GBE1: variants seen among roughly 807,000 people sequenced by gnomAD.
GBE1 encodes the protein 1,4-alpha-glucan branching enzyme 1.
Under a neutral mutation model 88.8 loss-of-function variants are expected in GBE1, and 70 were observed. The ratio of observed to expected loss-of-function variants is 0.79; its 90% CI spans 0.65 to 0.96. The LOEUF is 0.96. Among genes scored for constraint, GBE1 ranks in the 40% least tolerant of loss-of-function variants. The pLI is 0.00. For synonymous variants in GBE1, 284 were observed against 300.1 expected (o/e 0.95, Z 0.56); for missense variants, 872 against 871.0 (o/e 1.00, Z -0.01).
At chr3:81,732,612 GAATTC>G (rs1184980055) in intron 1 of GBE1, among the ~76,000 whole-genome samples, 1 of 152,074 alleles carries the variant, frequency 6.6e-6, no homozygotes, top group Non-Finnish European at 1.5e-5. Flanking sequence ...GAATCAGAAT[GAATTC>G]AATTTTATAA....
chr3:81,599,060 C>A (rs1220137034), intron 7 of GBE1, among the ~76,000 whole-genome samples: 1 of 152,078 alleles, frequency 6.6e-6, no homozygotes, highest in Non-Finnish European at 1.5e-5. Flanking sequence ...AAAATTAACT[C>A]TATTTGTATT....
intron 3 of GBE1, among the ~76,000 whole-genome samples, chr3:81,663,286 C>A (rs1206608517): frequency 6.6e-6 from 1 of 152,190 alleles, no homozygotes; most frequent in Admixed American, 6.5e-5. Context: ...CCCCAGTGGG[C>A]AGACACATAG....
At chr3:81,551,713 T>A (rs1703273613) in intron 12 of GBE1, among the ~76,000 whole-genome samples, 1 of 152,158 alleles carries the variant, frequency 6.6e-6, no homozygotes, top group Non-Finnish European at 1.5e-5. Flanking sequence ...ACAAAACTGC[T>A]CTGACCAAGC....
chr3:81,642,606 C>A, intron 7 of GBE1, 175 bp downstream of exon 7: 9 of 514,948 alleles, frequency 1.7e-5, no homozygotes, highest in South Asian at 5.9e-5. Context: ...TGAAATATAC[C>A]ACAAATACAT....
At chr3:81,737,859 G>A (rs552664808) in intron 1 of GBE1, among the ~76,000 whole-genome samples, 270 of 152,034 alleles carry the variant, frequency 1.8e-3, no homozygotes, top group African/African-American at 5.9e-3. Flanking sequence ...CCACTAACTC[G>A]TCATCTAGCA....
chr3:81,755,962 G>A (rs1023057521), intron 1 of GBE1, among the ~76,000 whole-genome samples: 2 of 151,934 alleles, frequency 1.3e-5, no homozygotes, highest in Non-Finnish European at 2.9e-5. Flanking sequence ...TCTTGGAGTG[G>A]TTGCTAACGT....
chr3:81,535,584 C>T (rs1207445860), intron 13 of GBE1, among the ~76,000 whole-genome samples: 1 of 151,964 alleles, frequency 6.6e-6, no homozygotes, highest in Admixed American at 6.6e-5. Context: ...AGTGTTGTGG[C>T]TCAGGTTTTA....
intron 12 of GBE1, among the ~76,000 whole-genome samples, chr3:81,577,115 T>G (rs1703659325): frequency 6.6e-6 from 1 of 151,922 alleles, no homozygotes; most frequent in African/African-American, 2.4e-5. Flanking sequence ...TTTTTTTTTC[T>G]TCTTTTGGTA....
chr3:81,561,802 T>C (rs925257028), intron 12 of GBE1, among the ~76,000 whole-genome samples: 1 of 152,082 alleles, frequency 6.6e-6, no homozygotes, highest in East Asian at 1.9e-4. Context: ...TCATCATTCA[T>C]GATCTAAATT....
At chr3:81,731,654 T>G (rs998085897) in intron 1 of GBE1, among the ~76,000 whole-genome samples, 13 of 152,104 alleles carry the variant, frequency 8.5e-5, no homozygotes, top group Non-Finnish European at 1.8e-4. Context: ...CCCTTCCTGG[T>G]CTCATGATAG....
intron 12 of GBE1, among the ~76,000 whole-genome samples, chr3:81,570,599 T>C (rs1473596906): frequency 6.6e-6 from 1 of 152,202 alleles, no homozygotes; most frequent in Non-Finnish European, 1.5e-5. Context: ...GAAATGAAAT[T>C]GGAGACTGGT....
chr3:81,513,938 C>A (rs9811835), intron 14 of GBE1, among the ~76,000 whole-genome samples: 45,379 of 151,436 alleles, frequency 0.3, 7,073 homozygotes, highest in East Asian at 0.43. Flanking sequence ...CTCAAGCTAA[C>A]CACTATCCTT....
At chr3:81,587,671 C>T (rs138190778) in intron 9 of GBE1, among the ~76,000 whole-genome samples, 2 of 152,154 alleles carry the variant, frequency 1.3e-5, no homozygotes, top group East Asian at 1.9e-4. Flanking sequence ...TGTTGTTCAC[C>T]GATATACCCT....
At chr3:81,731,326 A>C (rs758583560) in intron 1 of GBE1, among the ~76,000 whole-genome samples, 1 of 152,110 alleles carries the variant, frequency 6.6e-6, no homozygotes, top group Non-Finnish European at 1.5e-5. Context: ...AAAATGGATG[A>C]CTGTACATGA....
At chr3:81,549,975 A>AGTG (rs1239224319) in intron 12 of GBE1, among the ~76,000 whole-genome samples, 1 of 151,336 alleles carries the variant, frequency 6.6e-6, no homozygotes, top group East Asian at 1.9e-4. Context: ...CCTATAAACC[A>AGTG]ACCAGTGATC....
At chr3:81,714,701 T>C (rs1211472573) in intron 1 of GBE1, among the ~76,000 whole-genome samples, 1 of 152,206 alleles carries the variant, frequency 6.6e-6, no homozygotes, top group Non-Finnish European at 1.5e-5. Flanking sequence ...CTTGATCAGT[T>C]TGAACTGTTA....
chr3:81,625,418 A>T (rs1388409774), intron 7 of GBE1, among the ~76,000 whole-genome samples: 1 of 152,058 alleles, frequency 6.6e-6, no homozygotes, highest in Admixed American at 6.6e-5. Flanking sequence ...AAAACTGATA[A>T]GTACCAATAA....
intron 12 of GBE1, among the ~76,000 whole-genome samples, chr3:81,558,619 C>T (rs1703379685): frequency 6.6e-6 from 1 of 152,010 alleles, no homozygotes; most frequent in Non-Finnish European, 1.5e-5. Flanking sequence ...ATTTGTGACT[C>T]ATGAGGAAAC....
At chr3:81,625,662 A>G (rs781617362) in intron 7 of GBE1, among the ~76,000 whole-genome samples, 7 of 152,080 alleles carry the variant, frequency 4.6e-5, no homozygotes, top group Non-Finnish European at 8.8e-5. Flanking sequence ...GGGTGGTCTT[A>G]AACTCCAGTG....
Sources: gnomAD v4.1 joint callset for allele counts (sites outside exome capture counted in the v4.1 genomes callset) on GRCh38, gnomAD v4.1.1 for gene constraint, MANE v1.5 for transcripts, NCBI Gene and HGNC (gene_info 2026-07-23, HGNC 2026-07-21) for gene names.